The following GALNT7 variants were observed in gnomAD, a reference collection of about 807,000 sequenced individuals.
The protein encoded by GALNT7 is polypeptide N-acetylgalactosaminyltransferase 7.
In GALNT7, 60 loss-of-function variants were observed where a neutral mutation model predicts 82.1. The ratio of observed to expected loss-of-function variants is 0.73; its 90% CI spans 0.59 to 0.91. GALNT7 has a LOEUF of 0.91. Among genes scored for constraint, GALNT7 ranks in the 40% least tolerant of loss-of-function variants. The probability of loss-of-function intolerance (pLI) is 0.00; values close to 1 mark genes in which losing one functional copy is unlikely to be tolerated. For missense variants in GALNT7, 660 were observed against 804.2 expected (o/e 0.82, Z 2.17); for synonymous variants, 243 against 275.1 (o/e 0.88, Z 1.15).
Position 173,322,810 on chromosome 4 carries a change from C to T in GALNT7, c.*1093C>T, listed in dbSNP as rs1046635129. 2 of 152,096 alleles carry T rather than the reference C, an allele frequency of 1.3e-5. No homozygotes were observed. Among genetic ancestry groups the T allele is most frequent in the Non-Finnish European group, 2.9e-5 (2 of 67,980 alleles). 9.4% of individuals were successfully genotyped at this position (152,096 alleles called of 1,614,324 possible). Reference sequence around the variant, plus strand: ...TGAAGCCAAGAGTGAACTGATGTTTCATTTATATTTTCATCCAAATGACAT... The same window carrying T: ...TGAAGCCAAGAGTGAACTGATGTTTTATTTATATTTTCATCCAAATGACAT... On this transcript the variant is annotated 3_prime_UTR_variant, in exon 12 of 12. Coordinates refer to ENST00000265000, the MANE Select transcript of GALNT7 (RefSeq NM_017423.3).
chr4:173,169,015 T>G, intron 1 of GALNT7, 54 bp downstream of exon 1: 1 of 1,589,922 alleles, frequency 6.3e-7, no homozygotes, highest in Non-Finnish European at 8.6e-7. Context: ...CTTGTTTTGT[T>G]TGCCCGCGTG....
chr4:173,189,896 C>T (rs1292014910), intron 1 of GALNT7, among the ~76,000 whole-genome samples: 1 of 152,086 alleles, frequency 6.6e-6, no homozygotes, highest in Non-Finnish European at 1.5e-5. Flanking sequence ...TCAGTTGATT[C>T]TGTTGACTCT....
At chr4:173,297,248 T>C (rs76574674) in intron 5 of GALNT7, among the ~76,000 whole-genome samples, 20 of 151,114 alleles carry the variant, frequency 1.3e-4, no homozygotes, top group Non-Finnish European at 2.5e-4. Context: ...CTTTTTTTTT[T>C]GTTTGTTTTG....
chr4:173,294,503 C>T (rs1215325756), intron 3 of GALNT7, among the ~76,000 whole-genome samples: 2 of 152,062 alleles, frequency 1.3e-5, no homozygotes, highest in African/African-American at 4.8e-5. Flanking sequence ...ACTAACTCAT[C>T]TCTAAATACA....
At chr4:173,256,660 G>A (rs376674338) in intron 2 of GALNT7, among the ~76,000 whole-genome samples, 80 of 151,562 alleles carry the variant, frequency 5.3e-4, no homozygotes, top group African/African-American at 1.2e-3. Context: ...GAGATTGCTA[G>A]GACTACATAT....
chr4:173,171,159 C>G (rs1259580837), intron 1 of GALNT7, among the ~76,000 whole-genome samples: 1 of 152,094 alleles, frequency 6.6e-6, no homozygotes, highest in African/African-American at 2.4e-5. Context: ...TAAAGTGTAG[C>G]TTATAAATAA....
At chr4:173,274,102 C>G (rs1735819583) in intron 2 of GALNT7, among the ~76,000 whole-genome samples, 1 of 151,994 alleles carries the variant, frequency 6.6e-6, no homozygotes, top group Middle Eastern at 3.2e-3. Flanking sequence ...TTTTTCCTTT[C>G]CCAGGGAGTT....
At position 173,321,872 on chromosome 4, in the gene GALNT7, T is replaced by C; in HGVS notation, c.*155T>C. ...TTTGAAGGACATTGATAAACTGTGA[T>C]TTTACAATAACATTATCATCTGCAG... On this transcript the variant is annotated 3_prime_UTR_variant, in exon 12 of 12. Transcript: ENST00000265000. 1.8e-6 allele frequency: 1 copy of C among 548,426 alleles called. No individual in the cohort carries two copies. The allele number at this position is 548,426 out of a possible 1,614,324, so 34.0% of individuals were successfully genotyped here.
chr4:173,290,075 G>A (rs1736480037), intron 2 of GALNT7, among the ~76,000 whole-genome samples: 1 of 152,180 alleles, frequency 6.6e-6, no homozygotes, highest in Admixed American at 6.5e-5. Flanking sequence ...ATATGGTAGT[G>A]AGCAAAATAG....
intron 1 of GALNT7, among the ~76,000 whole-genome samples, chr4:173,245,682 C>A (rs1254049871): frequency 6.6e-6 from 1 of 152,124 alleles, no homozygotes; most frequent in Admixed American, 6.6e-5. Context: ...AATTTACTTA[C>A]AACACTAACA....
At chr4:173,217,072 G>A (rs1443133358) in intron 1 of GALNT7, among the ~76,000 whole-genome samples, 2 of 151,826 alleles carry the variant, frequency 1.3e-5, no homozygotes, top group Non-Finnish European at 2.9e-5. Flanking sequence ...TTTGATCTGC[G>A]GAAAATCTGG....
intron 2 of GALNT7, among the ~76,000 whole-genome samples, chr4:173,252,384 A>C (rs1734880797): frequency 6.6e-6 from 1 of 152,164 alleles, no homozygotes; most frequent in Non-Finnish European, 1.5e-5. Context: ...TAGCTTAGAG[A>C]CCAGGCTTGG....
intron 2 of GALNT7, among the ~76,000 whole-genome samples, chr4:173,281,911 G>A (rs985240866): frequency 6.6e-5 from 10 of 152,066 alleles, no homozygotes; most frequent in African/African-American, 9.7e-5. Context: ...TTAAAGTAGC[G>A]GTTTCTCGTT....
chr4:173,228,477 C>T (rs1267838640), intron 1 of GALNT7, among the ~76,000 whole-genome samples: 4 of 151,814 alleles, frequency 2.6e-5, no homozygotes, highest in African/African-American at 4.8e-5. Flanking sequence ...GTTCAGTTAG[C>T]ATAATTTTTC....
chr4:173,262,487 G>T (rs767489990), intron 2 of GALNT7, among the ~76,000 whole-genome samples: 1 of 152,074 alleles, frequency 6.6e-6, no homozygotes, highest in Admixed American at 6.5e-5. Context: ...AGTCTCATTG[G>T]AAAGGCCTTA....
chr4:173,219,076 C>G (rs1400565655), intron 1 of GALNT7, among the ~76,000 whole-genome samples: 1 of 151,926 alleles, frequency 6.6e-6, no homozygotes, highest in Non-Finnish European at 1.5e-5. Flanking sequence ...GTGCACCTAT[C>G]ATCTGAGCAA....
intron 2 of GALNT7, among the ~76,000 whole-genome samples, chr4:173,258,028 A>AGATT (rs1344323113): frequency 6.6e-6 from 1 of 152,166 alleles, no homozygotes. Context: ...TCTCCCAGTG[A>AGATT]GATTGAGTTG....
At chr4:173,205,711 G>A (rs1352074007) in intron 1 of GALNT7, among the ~76,000 whole-genome samples, 1 of 151,556 alleles carries the variant, frequency 6.6e-6, no homozygotes, top group African/African-American at 2.4e-5. Context: ...TGAAGTCTGG[G>A]GCTGTGTAGG....
intron 3 of GALNT7, 87 bp from the exon 4 acceptor site, chr4:173,295,309 C>T: frequency 1.1e-6 from 1 of 876,166 alleles, no homozygotes; most frequent in South Asian, 1.5e-5. Flanking sequence ...CTACCCAATG[C>T]ACCTGTATTC....
Sources: allele counts gnomAD v4.1 joint callset (sites outside exome capture counted in the v4.1 genomes callset), GRCh38; gene constraint gnomAD v4.1.1; transcripts MANE v1.5; gene names NCBI Gene and HGNC (gene_info 2026-07-23, HGNC 2026-07-21).